SPATA16: variants seen among roughly 807,000 people sequenced by gnomAD.
SPATA16 encodes spermatogenesis-associated protein 16.
A neutral mutation model predicts 63.3 loss-of-function variants in SPATA16; 36 were observed. That is an observed-to-expected ratio of 0.57 (90% CI 0.44 to 0.75). The LOEUF is 0.75. Among genes scored for constraint, SPATA16 ranks in the 30% least tolerant of loss-of-function variants. The probability of loss-of-function intolerance (pLI) is 0.00; values close to 1 mark genes in which losing one functional copy is unlikely to be tolerated. For missense variants in SPATA16, 646 were observed against 679.3 expected, an observed-to-expected ratio of 0.95 and a Z score of 0.54; for synonymous variants, 203 against 216.7, an observed-to-expected ratio of 0.94 and a Z score of 0.56.
chr3:172,988,323 T>C (rs1380804456), intron 4 of SPATA16, among the ~76,000 whole-genome samples: 1 of 152,240 alleles, frequency 6.6e-6, no homozygotes, highest in African/African-American at 2.4e-5. Flanking sequence ...GTAAAACATC[T>C]GAATATTTAA....
chr3:172,901,982 C>T (rs1732135114), intron 10 of SPATA16, among the ~76,000 whole-genome samples: 1 of 152,194 alleles, frequency 6.6e-6, no homozygotes, highest in Admixed American at 6.5e-5. Flanking sequence ...AAAGTCCAGA[C>T]TCCCTACTTG....
chr3:172,893,742 C>T (rs1731942276), intron 10 of SPATA16, among the ~76,000 whole-genome samples: 1 of 152,236 alleles, frequency 6.6e-6, no homozygotes, highest in Admixed American at 6.5e-5. Context: ...AACCAGGCTT[C>T]TCTCTTGCCA....
chr3:173,123,508 G>T (rs574674103), intron 1 of SPATA16, among the ~76,000 whole-genome samples: 1 of 151,738 alleles, frequency 6.6e-6, no homozygotes, highest in Admixed American at 6.6e-5. Context: ...CTGCTTTACT[G>T]GGTGGCACTC....
intron 6 of SPATA16, among the ~76,000 whole-genome samples, chr3:172,953,535 A>G (rs1013815795): frequency 2.6e-5 from 4 of 152,194 alleles, no homozygotes; most frequent in Non-Finnish European, 4.4e-5. Flanking sequence ...GTTGGAGTAC[A>G]TACGAAGAAG....
intron 10 of SPATA16, among the ~76,000 whole-genome samples, chr3:172,894,168 T>G (rs1243747984): frequency 6.6e-6 from 1 of 152,178 alleles, no homozygotes; most frequent in Non-Finnish European, 1.5e-5. Flanking sequence ...TTTGCTCTGT[T>G]CCAGTTTTAT....
chr3:172,978,985 C>T (rs1734231995), intron 4 of SPATA16, among the ~76,000 whole-genome samples: 1 of 152,210 alleles, frequency 6.6e-6, no homozygotes, highest in Non-Finnish European at 1.5e-5. Context: ...TGCCTGTAAT[C>T]CCAGCACTTT....
intron 4 of SPATA16, among the ~76,000 whole-genome samples, chr3:173,011,071 T>G (rs921610764): frequency 2.6e-5 from 4 of 152,094 alleles, no homozygotes; most frequent in African/African-American, 7.2e-5. Flanking sequence ...GAGGGACTTC[T>G]CTCTAAGTTA....
chr3:173,100,660 GCACACACACACACACACACACACACA>G (rs3980195), intron 2 of SPATA16, among the ~76,000 whole-genome samples: 1 of 134,170 alleles, frequency 7.5e-6, no homozygotes, highest in East Asian at 2.2e-4. Context: ...CACATAAACA[GCACACACACACACACACACACACACA>G]CACACACACA....
intron 2 of SPATA16, among the ~76,000 whole-genome samples, chr3:173,113,207 G>A (rs1203106277): frequency 6.6e-6 from 1 of 152,114 alleles, no homozygotes; most frequent in East Asian, 1.9e-4. Flanking sequence ...GGGGAAATTG[G>A]TATAGCTGTC....
At chr3:172,966,520 G>T (rs1253007516) in intron 5 of SPATA16, among the ~76,000 whole-genome samples, 1 of 152,110 alleles carries the variant, frequency 6.6e-6, no homozygotes, top group East Asian at 1.9e-4. Flanking sequence ...TAGCTTAACA[G>T]TTACTTTATA....
intron 4 of SPATA16, among the ~76,000 whole-genome samples, chr3:173,007,984 A>G (rs1211126732): frequency 6.6e-6 from 1 of 152,210 alleles, no homozygotes; most frequent in Non-Finnish European, 1.5e-5. Flanking sequence ...ATACATATTC[A>G]TATGTACATT....
chr3:173,041,334 C>A (rs1274407428), intron 3 of SPATA16, among the ~76,000 whole-genome samples: 1 of 152,100 alleles, frequency 6.6e-6, no homozygotes, highest in African/African-American at 2.4e-5. Flanking sequence ...AAGAAACAAT[C>A]AGTAATCTAT....
chr3:172,986,284 A>G (rs1734455473), intron 4 of SPATA16, among the ~76,000 whole-genome samples: 1 of 152,150 alleles, frequency 6.6e-6, no homozygotes, highest in African/African-American at 2.4e-5. Flanking sequence ...ATAGGGCCAT[A>G]TGGATCTAGG....
At chr3:173,084,759 C>T (rs1238213419) in intron 2 of SPATA16, among the ~76,000 whole-genome samples, 1 of 152,152 alleles carries the variant, frequency 6.6e-6, no homozygotes, top group South Asian at 2.1e-4. Context: ...CTCCCAGCAT[C>T]ATTTATTAAA....
intron 4 of SPATA16, among the ~76,000 whole-genome samples, chr3:172,979,642 A>G (rs1202864046): frequency 6.6e-6 from 1 of 152,124 alleles, no homozygotes; most frequent in African/African-American, 2.4e-5. Context: ...TATTAATGTT[A>G]TGCCAAAGTT....
chr3:172,925,599 T>C (rs1732712509), intron 6 of SPATA16, 107 bp from the exon 7 acceptor site: 1 of 1,366,206 alleles, frequency 7.3e-7, no homozygotes, highest in Non-Finnish European at 1.0e-6. Flanking sequence ...ATAATAACTA[T>C]AAATGTGAAA....
chr3:172,907,000 G>A (rs1732255582), intron 10 of SPATA16, among the ~76,000 whole-genome samples: 1 of 152,116 alleles, frequency 6.6e-6, no homozygotes, highest in Non-Finnish European at 1.5e-5. Flanking sequence ...TATGAGTTTG[G>A]TATATGTAAA....
chr3:172,889,691 AC>A lies in SPATA16; in HGVS notation c.1588del (p.Val530LeufsTer11). On this transcript the variant is annotated frameshift_variant and splice_region_variant, in exon 11 of 11. Coordinates refer to ENST00000351008, the MANE Select transcript of SPATA16 (RefSeq NM_031955.6). LOFTEE classifies it high-confidence loss of function. ...NERVWNMIQK[V>X]GQIEDFLYQL... ...GTATAGAAAATCTTCAATTTGTCCA[AC>A]CTAGAAGAAATAAACAGATGCAACA... 1 of 1,612,846 alleles carries A rather than the reference AC, an allele frequency of 6.2e-7. No homozygotes were observed. Among genetic ancestry groups the A allele is most frequent in the Non-Finnish European group, 8.5e-7 (1 of 1,179,734 alleles).
At chr3:172,913,254 G>A (rs374215254) in intron 10 of SPATA16, among the ~76,000 whole-genome samples, 1 of 152,246 alleles carries the variant, frequency 6.6e-6, no homozygotes, top group African/African-American at 2.4e-5. Context: ...AAACATCAAT[G>A]TGCTAGTTTC....
Sources: gnomAD v4.1 joint callset for allele counts (sites outside exome capture counted in the v4.1 genomes callset) on GRCh38, gnomAD v4.1.1 for gene constraint, MANE v1.5 for transcripts, NCBI Gene and HGNC (gene_info 2026-07-23, HGNC 2026-07-21) for gene names.